Variants in ARMH3 observed in about 807,000 individuals in gnomAD.
ARMH3 encodes the protein armadillo like helical domain containing 3, also known as armadillo-like helical domain-containing protein 3.
Under a neutral mutation model 99.1 loss-of-function variants are expected in ARMH3, and 60 were observed. The ratio of observed to expected loss-of-function variants is 0.61; its 90% CI spans 0.49 to 0.75. The LOEUF (loss-of-function observed/expected upper bound fraction) is 0.75. ARMH3 is among the 30% of genes least tolerant of loss of function. The pLI, the probability that ARMH3 is intolerant of heterozygous loss-of-function variation, is 0.00. For missense variants in ARMH3, 679 were observed against 843.1 expected, an observed-to-expected ratio of 0.81 and a Z score of 2.41; for synonymous variants, 285 against 292.8, an observed-to-expected ratio of 0.97 and a Z score of 0.27.
At chr10:102,006,828 T>C (rs563900158) in intron 13 of ARMH3, among the ~76,000 whole-genome samples, 195 bp from the exon 14 acceptor site, 15 of 152,092 alleles carry the variant, frequency 9.9e-5, no homozygotes, top group African/African-American at 3.1e-4. Flanking sequence ...CCTGTGTACG[T>C]AGGACTACAG....
intron 8 of ARMH3, among the ~76,000 whole-genome samples, chr10:102,021,094 T>A (rs1195153263): frequency 6.6e-6 from 1 of 152,188 alleles, no homozygotes; most frequent in Non-Finnish European, 1.5e-5. Flanking sequence ...TGTTTGTTTT[T>A]GAGACAGGAT....
At chr10:102,014,083 C>T in intron 8 of ARMH3, 59 bp from the exon 9 acceptor site, 1 of 1,384,648 alleles carries the variant, frequency 7.2e-7, no homozygotes, top group Non-Finnish European at 1.0e-6. Context: ...AGCCCGTTAG[C>T]TATCTTTAAA....
chr10:101,888,857 G>A (rs1219020193), intron 24 of ARMH3, among the ~76,000 whole-genome samples: 1 of 152,168 alleles, frequency 6.6e-6, no homozygotes, highest in Non-Finnish European at 1.5e-5. Flanking sequence ...GGGAGAAGGG[G>A]AAATCAGGCC....
At chr10:101,971,937 T>A (rs1017005506) in intron 20 of ARMH3, among the ~76,000 whole-genome samples, 16 of 152,342 alleles carry the variant, frequency 1.1e-4, no homozygotes, top group African/African-American at 3.8e-4. Context: ...TGAAAAACAG[T>A]GATTGCTGAA....
At position 101,991,958 on chromosome 10, in the gene ARMH3, TACTC is replaced by T. The variant is rs775396896; in HGVS notation, c.1345+7_1345+10del. The T allele has an allele frequency of 1.8e-5, 29 of 1,609,174 alleles. No individual in the cohort carries two copies. The highest frequency in any genetic ancestry group is 1.7e-5 in the Admixed American group (1 of 59,988). Reference sequence around the variant, plus strand: ...CACAGAACAATGTCAATGTTGATGATACTCACTCACCCAGTACTGCACATACTAA... The same window carrying T: ...CACAGAACAATGTCAATGTTGATGATACTCACCCAGTACTGCACATACTAA... On this transcript the variant is annotated splice_region_variant and intron_variant, in intron 18 of 25. Coordinates refer to ENST00000370033, the MANE Select transcript of ARMH3 (RefSeq NM_024541.3).
intron 1 of ARMH3, among the ~76,000 whole-genome samples, chr10:102,052,198 T>TA (rs903957299): frequency 3.9e-5 from 6 of 152,088 alleles, no homozygotes; most frequent in African/African-American, 1.4e-4. Context: ...AATTATAAGA[T>TA]AAAGTCCCAT....
At chr10:101,918,146 C>T (rs1036167433) in intron 23 of ARMH3, among the ~76,000 whole-genome samples, 31 of 152,076 alleles carry the variant, frequency 2.0e-4, no homozygotes, top group Non-Finnish European at 3.8e-4. Flanking sequence ...CTGCACCTCC[C>T]GGCTTCAGGC....
chr10:101,873,170 G>A (rs796306760), intron 24 of ARMH3, among the ~76,000 whole-genome samples: 3 of 150,938 alleles, frequency 2.0e-5, no homozygotes, highest in African/African-American at 7.3e-5. Context: ...TTGGGAGGCC[G>A]AGGTGGGCGG....
chr10:102,025,368 C>T (rs1382192994), intron 5 of ARMH3, 120 bp from the exon 6 acceptor site: 3 of 718,936 alleles, frequency 4.2e-6, no homozygotes, highest in Admixed American at 4.9e-5. Flanking sequence ...AACATCATTT[C>T]CTTAGGCCCA....
intron 23 of ARMH3, among the ~76,000 whole-genome samples, chr10:101,901,120 C>T (rs555551414): frequency 6.6e-6 from 1 of 151,076 alleles, no homozygotes; most frequent in Middle Eastern, 3.4e-3. Context: ...ATACATAATA[C>T]CTCAGTGGTG....
chr10:102,027,197 TG>T (rs2067018597), intron 5 of ARMH3, among the ~76,000 whole-genome samples: 2 of 150,418 alleles, frequency 1.3e-5, no homozygotes, highest in East Asian at 3.9e-4. Context: ...GAGAATCGCT[TG>T]AACCCAGGAC....
At chr10:101,972,808 G>A (rs570207084) in intron 20 of ARMH3, among the ~76,000 whole-genome samples, 28 of 152,290 alleles carry the variant, frequency 1.8e-4, no homozygotes, top group African/African-American at 6.7e-4. Flanking sequence ...ATGTCTAGAT[G>A]CCTTCGCGAC....
At chr10:101,983,894 A>G (rs1224406290) in intron 19 of ARMH3, among the ~76,000 whole-genome samples, 1 of 152,192 alleles carries the variant, frequency 6.6e-6, no homozygotes, top group Non-Finnish European at 1.5e-5. Context: ...AGGAACCCCA[A>G]TTTATAGCCG....
intron 24 of ARMH3, among the ~76,000 whole-genome samples, chr10:101,850,420 CTCTT>C (rs1439095569): frequency 2.1e-5 from 3 of 145,474 alleles, no homozygotes; most frequent in African/African-American, 5.2e-5. Flanking sequence ...CTCTCTCTCT[CTCTT>C]TTTTTTTTTT....
At chr10:102,048,243 C>A (rs1564884980) in intron 1 of ARMH3, among the ~76,000 whole-genome samples, 1 of 152,148 alleles carries the variant, frequency 6.6e-6, no homozygotes, top group Non-Finnish European at 1.5e-5. Flanking sequence ...GGACTGTAGC[C>A]CATTTCCCCA....
At chr10:102,017,723 T>C (rs886861126) in intron 8 of ARMH3, among the ~76,000 whole-genome samples, 1 of 152,164 alleles carries the variant, frequency 6.6e-6, no homozygotes, top group African/African-American at 2.4e-5. Context: ...AAAATAGGTG[T>C]TGGGAATAAA....
chr10:101,989,989 T>C (rs778323323), intron 19 of ARMH3, among the ~76,000 whole-genome samples: 2 of 152,174 alleles, frequency 1.3e-5, no homozygotes, highest in Non-Finnish European at 2.9e-5. Flanking sequence ...GATCACTATA[T>C]TCATGTGTCG....
At chr10:101,988,313 C>T (rs891016136) in intron 19 of ARMH3, among the ~76,000 whole-genome samples, 1 of 152,142 alleles carries the variant, frequency 6.6e-6, no homozygotes, top group African/African-American at 2.4e-5. Context: ...TACAGTAATA[C>T]GTGTTACAAA....
intron 9 of ARMH3, 21 bp from the exon 10 acceptor site, chr10:102,012,897 C>T (rs898069305): frequency 1.0e-5 from 16 of 1,595,382 alleles, no homozygotes; most frequent in Non-Finnish European, 1.4e-5. Flanking sequence ...AAAGATAGCA[C>T]AGGTGAAATA....
Sources: allele counts gnomAD v4.1 joint callset (sites outside exome capture counted in the v4.1 genomes callset), GRCh38; gene constraint gnomAD v4.1.1; transcripts MANE v1.5; gene names NCBI Gene and HGNC (gene_info 2026-07-23, HGNC 2026-07-21).